SYNE1: variants seen among roughly 807,000 people sequenced by gnomAD.
SYNE1 encodes nesprin-1.
Under a neutral mutation model 1,111.0 loss-of-function variants are expected in SYNE1, and 616 were observed. That is an observed-to-expected ratio of 0.55 (90% CI 0.52 to 0.59). SYNE1 has a LOEUF of 0.59. Among genes scored for constraint, SYNE1 ranks in the 20% least tolerant of loss-of-function variants. The pLI is 0.00. For synonymous variants in SYNE1, 3,855 were observed against 3,825.8 expected, an observed-to-expected ratio of 1.01 and a Z score of -0.28; for missense variants, 10,006 against 10,417.0, an observed-to-expected ratio of 0.96 and a Z score of 1.72.
At chr6:152,253,139 T>C (rs1216673542) in intron 104 of SYNE1, among the ~76,000 whole-genome samples, 2 of 152,100 alleles carry the variant, frequency 1.3e-5, no homozygotes, top group African/African-American at 4.8e-5. Flanking sequence ...TGGCAAAGGA[T>C]ATTGGATAAA....
intron 91 of SYNE1, among the ~76,000 whole-genome samples, chr6:152,306,225 C>T (rs2095367594): frequency 1.3e-5 from 2 of 152,174 alleles, no homozygotes; most frequent in South Asian, 4.1e-4. Context: ...GTGGCTCACT[C>T]CTGCAATCCC....
Position 152,148,327 on chromosome 6 carries a change from A to G in SYNE1, c.24694T>C (p.Ser8232Pro). Residue 8232 changes from serine to proline, a missense_variant, in exon 137 of 146, where the codon TCT (serine) becomes CCT (proline). This residue lies in a region of SYNE1 where 761 missense variants were observed against 795.5 expected (regional missense o/e 0.96). Transcript: ENST00000367255. This position sits in a 1 kb window ranked among gnomAD's most constrained non-coding sequence, Gnocchi z 4.1. ...CAGTGCAGGTCCGACAGAGCTGCAG[A>G]GTCTTCCAGCTCCAGCTCCCTGTCT... ...LSDRELELED[S>P]AALSDLHWHD... 1 of 1,614,178 alleles carries G rather than the reference A, an allele frequency of 6.2e-7. No homozygotes were observed. Among genetic ancestry groups the G allele is most frequent in the Non-Finnish European group, 8.5e-7 (1 of 1,180,024 alleles).
rs777792677 is a variant in SYNE1 at position 152,255,631 on chromosome 6, A to C, written c.19220T>G (p.Leu6407Arg). Residue 6407 changes from leucine to arginine, a missense_variant, in exon 103 of 146, where the codon CTT (leucine) becomes CGT (arginine). By Grantham distance (102) the Leu-to-Arg change is moderately radical (BLOSUM62 -2). This residue lies in a region of SYNE1 where 2,182 missense variants were observed against 2,287.8 expected (regional missense o/e 0.95). Transcript: ENST00000367255. ...VEERLFVATALLPEETETCLF... is the reference protein window; with the variant it reads ...VEERLFVATARLPEETETCLF... ...ACAAGTCTCTGTTTCTTCTGGTAAAAGTGCTGTGGCAACAAATAAACGTTC... is the reference window on the plus strand; with the variant it reads ...ACAAGTCTCTGTTTCTTCTGGTAAACGTGCTGTGGCAACAAATAAACGTTC... The C allele has an allele frequency of 6.2e-7, 1 of 1,614,232 alleles. No homozygotes were observed. Among genetic ancestry groups the C allele is most frequent in the Non-Finnish European group, 8.5e-7 (1 of 1,180,042 alleles).
intron 3 of SYNE1, among the ~76,000 whole-genome samples, chr6:152,611,459 T>C (rs2099631075): frequency 6.6e-6 from 1 of 152,170 alleles, no homozygotes; most frequent in South Asian, 2.1e-4. Flanking sequence ...ATCCTAAATA[T>C]ATATGCACCC....
At chr6:152,237,094 G>A in intron 108 of SYNE1, 146 bp from the exon 109 acceptor site, 1 of 1,130,900 alleles carries the variant, frequency 8.8e-7, no homozygotes, top group Admixed American at 2.0e-5. Context: ...GGAAGCAAAA[G>A]ATGGCTTTAA....
intron 121 of SYNE1, among the ~76,000 whole-genome samples, chr6:152,217,408 A>AG (rs1307217639): frequency 1.7e-5 from 2 of 118,466 alleles, no homozygotes; most frequent in Non-Finnish European, 3.4e-5. Flanking sequence ...AAAAAAAAAA[A>AG]GAAAAAAAAA....
chr6:152,174,034 T>G (rs1429541615), intron 130 of SYNE1, among the ~76,000 whole-genome samples: 1 of 152,240 alleles, frequency 6.6e-6, no homozygotes, highest in Admixed American at 6.5e-5. Context: ...TACACTAAGT[T>G]AGCTGCTTAT....
chr6:152,444,908 T>C (rs1339442427), intron 29 of SYNE1, among the ~76,000 whole-genome samples: 1 of 152,190 alleles, frequency 6.6e-6, no homozygotes, highest in Non-Finnish European at 1.5e-5. Flanking sequence ...TTGAAGATCA[T>C]GTAATCTTAC....
intron 24 of SYNE1, 104 bp from the exon 25 acceptor site, chr6:152,453,824 T>C: frequency 6.9e-7 from 1 of 1,459,302 alleles, no homozygotes; most frequent in East Asian, 2.3e-5. Context: ...AGCCAGCTGC[T>C]GCCCTCTTGC....
Position 152,145,542 on chromosome 6 carries a change from G to A in SYNE1, c.24977-1777C>T, listed in dbSNP as rs761266231. The A allele has an allele frequency of 5.1e-5, 83 of 1,613,864 alleles. No homozygotes were observed. In the Middle Eastern group the frequency reaches 8.2e-4, roughly 16 times the overall value. ...GTTTTACATAGGCCTCAGGGCTTTC[G>A]GGGATCATTACATCTGCAAAAAAAG... On this transcript the variant is annotated intron_variant, in intron 137 of 145. Coordinates refer to ENST00000367255, the MANE Select transcript of SYNE1 (RefSeq NM_182961.4).
At chr6:152,269,111 T>C (rs2153678830) in intron 99 of SYNE1, 44 bp downstream of exon 99, 2 of 1,613,976 alleles carry the variant, frequency 1.2e-6, no homozygotes, top group Non-Finnish European at 1.7e-6. Flanking sequence ...CAGGTTCTTC[T>C]CTGGGCAGAT....
At chr6:152,570,785 T>C (rs1004739185) in intron 3 of SYNE1, among the ~76,000 whole-genome samples, 12 of 152,150 alleles carry the variant, frequency 7.9e-5, no homozygotes, top group African/African-American at 2.9e-4. Context: ...GTCCTTACTA[T>C]CATGGTAAGA....
rs2098525476 is a variant in SYNE1, at chr6:152,441,073, T to A, written c.4149+57A>T. ...ATAGTAATAATGGAGGAGAAATCAT[T>A]TTGTTTGTTTTGCTTTGTTTTTTCT... On this transcript the variant is annotated intron_variant, in intron 32 of 145. Transcript: ENST00000367255. The A allele has an allele frequency of 2.5e-6, 4 of 1,595,448 alleles. No individual in the cohort carries two copies. In the African/African-American group the frequency reaches 4.0e-5, roughly 16 times the overall value.
intron 3 of SYNE1, among the ~76,000 whole-genome samples, chr6:152,580,304 G>T (rs923665472): frequency 6.6e-6 from 1 of 152,010 alleles, no homozygotes; most frequent in Admixed American, 6.6e-5. Context: ...GTCCACATGC[G>T]TGTCTTCTTA....
At chr6:152,613,378 A>G (rs918642781) in intron 3 of SYNE1, among the ~76,000 whole-genome samples, 1 of 152,224 alleles carries the variant, frequency 6.6e-6, no homozygotes, top group Non-Finnish European at 1.5e-5. Context: ...GAGCCAAATC[A>G]TAAGTGAACT....
chr6:152,628,070 T>G lies in SYNE1; in HGVS notation c.67+195A>C, dbSNP rs190726043. Among the ~76,000 whole-genome samples the G allele has an allele frequency of 2.1e-5, 3 of 141,422 alleles. No individual in the cohort carries two copies. The East Asian group carries it at 6.5e-4, about 31-fold the overall frequency. 92.8% of individuals were successfully genotyped at this position (141,422 alleles called of 152,430 possible). On this transcript the variant is annotated intron_variant, in intron 3 of 145. Transcript: ENST00000367255. ...AAAAAAAAAAAAAAAAGCTGTATTT[T>G]TATCTTTTCCTTCTATGTAATGAAT...
intron 11 of SYNE1, among the ~76,000 whole-genome samples, chr6:152,497,392 C>A (rs987692444): frequency 2.6e-5 from 4 of 152,278 alleles, no homozygotes. Context: ...TCAGTTGATT[C>A]TCATGCCCAG....
chr6:152,617,159 A>G (rs2099657173), intron 3 of SYNE1, among the ~76,000 whole-genome samples: 1 of 152,242 alleles, frequency 6.6e-6, no homozygotes, highest in Non-Finnish European at 1.5e-5. Flanking sequence ...CAAAATAAGA[A>G]CAGCAAATTA....
intron 55 of SYNE1, among the ~76,000 whole-genome samples, chr6:152,385,299 C>T (rs2097507654): frequency 6.6e-6 from 1 of 152,204 alleles, no homozygotes; most frequent in Non-Finnish European, 1.5e-5. Context: ...CAGAACAAAA[C>T]ATCCAGAATG....
Sources: gnomAD v4.1 joint callset for allele counts (sites outside exome capture counted in the v4.1 genomes callset) on GRCh38, gnomAD v4.1.1 for gene constraint, gnomAD v4.1.1 regional missense constraint, Gnocchi (gnomAD v3.1) non-coding constraint, MANE v1.5 for transcripts, NCBI Gene and HGNC (gene_info 2026-07-23, HGNC 2026-07-21) for gene names.